AADAT: variants seen among roughly 807,000 people sequenced by gnomAD.
The protein encoded by AADAT is kynurenine/alpha-aminoadipate aminotransferase, mitochondrial.
A neutral mutation model predicts 56.2 loss-of-function variants in AADAT; 25 were observed. The observed-to-expected ratio is 0.44, with a 90% CI of 0.32 to 0.62. The LOEUF (loss-of-function observed/expected upper bound fraction) is 0.62, where lower values mean the gene tolerates loss of function less well. AADAT is among the 20% of genes least tolerant of loss of function. The pLI is 0.04. For synonymous variants in AADAT, 173 were observed against 164.7 expected, an observed-to-expected ratio of 1.05 and a Z score of -0.39; for missense variants, 387 against 510.5, an observed-to-expected ratio of 0.76 and a Z score of 2.33.
chr4:170,082,381 T>G (rs1420981340), intron 3 of AADAT, among the ~76,000 whole-genome samples: 9 of 152,214 alleles, frequency 5.9e-5, no homozygotes, highest in African/African-American at 2.2e-4. Flanking sequence ...TATAAGATTT[T>G]TTTTTTGTAA....
intron 5 of AADAT, among the ~76,000 whole-genome samples, chr4:170,070,913 T>C (rs1321665523): frequency 1.3e-5 from 2 of 152,128 alleles, no homozygotes; most frequent in African/African-American, 4.8e-5. Context: ...TGAGTGGTTT[T>C]ATTTATTTTG....
At chr4:170,082,807 C>T (rs903768339) in intron 3 of AADAT, among the ~76,000 whole-genome samples, 1 of 151,510 alleles carries the variant, frequency 6.6e-6, no homozygotes, top group Non-Finnish European at 1.5e-5. Flanking sequence ...GACTACAAAC[C>T]TAAGATTGTA....
At chr4:170,062,029 T>C (rs747594491) in intron 11 of AADAT, 36 bp from the exon 12 acceptor site, 1 of 1,445,138 alleles carries the variant, frequency 6.9e-7, no homozygotes, top group Non-Finnish European at 9.6e-7. Flanking sequence ...AATGTACCAC[T>C]AAAGAAAAAC....
chr4:170,063,833 T>C (rs1173846323), intron 11 of AADAT, among the ~76,000 whole-genome samples: 1 of 152,142 alleles, frequency 6.6e-6, no homozygotes, highest in Non-Finnish European at 1.5e-5. Context: ...ATGGCTTTAA[T>C]TAATGGAGAA....
chr4:170,063,949 TAA>T (rs1167044165), intron 11 of AADAT, among the ~76,000 whole-genome samples: 15 of 146,602 alleles, frequency 1.0e-4, no homozygotes, highest in Admixed American at 2.7e-4. Flanking sequence ...AATTTAAATA[TAA>T]AAAGAGGAAA....
In AADAT at chr4:170,060,916, A is replaced by C. The variant is rs1036659968; in HGVS notation, c.*12T>G. On this transcript the variant is annotated 3_prime_UTR_variant, in exon 13 of 13. Transcript: ENST00000337664. The stretch of plus-strand genomic sequence containing the variant: ...AGGTGTGAGCCACCATGCCCAACCT[A>C]GTTTAATTTCTTCATAAAGATTCTT... 5 of 1,541,640 alleles carry C rather than the reference A, an allele frequency of 3.2e-6. No homozygotes were observed. The African/African-American group carries it at 5.5e-5, about 17-fold the overall frequency.
At chr4:170,087,522 A>C (rs1433510879) in intron 2 of AADAT, among the ~76,000 whole-genome samples, 1 of 152,174 alleles carries the variant, frequency 6.6e-6, no homozygotes, top group Admixed American at 6.5e-5. Flanking sequence ...TCTTATTCCA[A>C]ACCTGAAGTC....
intron 10 of AADAT, among the ~76,000 whole-genome samples, chr4:170,065,703 G>A (rs559968253): frequency 1.3e-5 from 2 of 152,234 alleles, no homozygotes; most frequent in South Asian, 4.2e-4. Context: ...GTTTCACCAT[G>A]TTGGCCAGGC....
At chr4:170,094,179 G>T (rs776783276), upstream of AADAT, among the ~76,000 whole-genome samples, 2 of 152,222 alleles carry the variant, frequency 1.3e-5, no homozygotes, top group African/African-American at 2.4e-5. Context: ...CTAATGGAAT[G>T]CAGGGGCACT....
upstream of AADAT, among the ~76,000 whole-genome samples, chr4:170,093,926 T>C (rs904001013): frequency 3.9e-5 from 6 of 152,196 alleles, no homozygotes; most frequent in African/African-American, 1.4e-4. Flanking sequence ...AAATACGTAA[T>C]TAATTGATTT....
In AADAT at chr4:170,060,294, A is replaced by G. The variant is rs915719804; in HGVS notation, c.*634T>C. 2 of 152,046 alleles carry G rather than the reference A, an allele frequency of 1.3e-5. No individual in the cohort carries two copies. The highest frequency in any genetic ancestry group is 2.9e-5 in the Non-Finnish European group (2 of 67,956). 9.4% of individuals were successfully genotyped at this position (152,046 alleles called of 1,614,324 possible). On this transcript the variant is annotated 3_prime_UTR_variant, in exon 13 of 13. Transcript: ENST00000337664. ...CATAAGGTTTATGGTACTTTTACTA[A>G]AAGTCACTTATAATGACCAAATTAT...
intron 3 of AADAT, 141 bp downstream of exon 3, chr4:170,086,975 C>G (rs1016877525): frequency 4.8e-6 from 5 of 1,032,386 alleles, no homozygotes; most frequent in Non-Finnish European, 6.6e-6. Context: ...TCTTTTAGTT[C>G]CCTGTTTATA....
upstream of AADAT, chr4:170,090,504 C>G (rs1732781547): frequency 1.3e-5 from 2 of 152,216 alleles, no homozygotes; most frequent in Admixed American, 1.3e-4. Flanking sequence ...TCTCGAAGAT[C>G]TCAGCATTTT....
chr4:170,082,579 T>G (rs1227733301), intron 3 of AADAT, among the ~76,000 whole-genome samples: 1 of 152,118 alleles, frequency 6.6e-6, no homozygotes, highest in African/African-American at 2.4e-5. Flanking sequence ...AAGTTCTAAC[T>G]TATCAATAAT....
chr4:170,088,606 T>C (rs774255765), intron 1 of AADAT, 42 bp from the exon 2 acceptor site: 2 of 1,578,098 alleles, frequency 1.3e-6, no homozygotes, highest in East Asian at 2.3e-5. Flanking sequence ...TCATTGAAGA[T>C]TGTTATAAGC....
At position 170,089,523 on chromosome 4, in the gene AADAT, C is replaced by T. The variant is rs936608994; in HGVS notation, c.67+101G>A. On this transcript the variant is annotated intron_variant, in intron 1 of 12. Coordinates refer to ENST00000337664, the MANE Select transcript of AADAT (RefSeq NM_016228.4). The stretch of plus-strand genomic sequence containing the variant: ...CTCACCGCGAGCGTGCACAGGGGTA[C>T]GCATGGATGCAACCAAGCGGTGGCT... 11 of 1,299,930 alleles carry T rather than the reference C, an allele frequency of 8.5e-6. No individual in the cohort carries two copies. The South Asian group carries it at 1.1e-4, about 13-fold the overall frequency. 80.5% of individuals were successfully genotyped at this position (1,299,930 alleles called of 1,614,324 possible).
upstream of AADAT, among the ~76,000 whole-genome samples, chr4:170,090,937 A>C (rs1682384942): frequency 1.3e-5 from 2 of 152,210 alleles, no homozygotes; most frequent in Admixed American, 1.3e-4. Context: ...TTTTAAGTTT[A>C]CCTAATAGGT....
At chr4:170,070,410 C>A in intron 6 of AADAT, 177 bp downstream of exon 6, 1 of 511,412 alleles carries the variant, frequency 2.0e-6, no homozygotes, top group Non-Finnish European at 3.5e-6. Context: ...GGTACTAATT[C>A]CATAATAAAA....
At chr4:170,067,573 A>T (rs1561012741) in intron 8 of AADAT, among the ~76,000 whole-genome samples, 185 bp from the exon 9 acceptor site, 1 of 152,244 alleles carries the variant, frequency 6.6e-6, no homozygotes, top group African/African-American at 2.4e-5. Context: ...ACTAGTAAAA[A>T]TAACAAATAT....
Sources: gnomAD v4.1 joint callset for allele counts (sites outside exome capture counted in the v4.1 genomes callset) on GRCh38, gnomAD v4.1.1 for gene constraint, MANE v1.5 for transcripts, NCBI Gene and HGNC (gene_info 2026-07-23, HGNC 2026-07-21) for gene names.